Variants in PPIL6 observed in about 807,000 individuals in gnomAD.
The protein encoded by PPIL6 is probable inactive peptidyl-prolyl cis-trans isomerase-like 6.
In PPIL6, 39 loss-of-function variants were observed where a neutral mutation model predicts 36.8. That is an observed-to-expected ratio of 1.06 (90% CI 0.82 to 1.38). The LOEUF is 1.38. Ranked by LOEUF, PPIL6 falls within the 40% of genes most tolerant of loss-of-function variation. The pLI, the probability that PPIL6 is intolerant of heterozygous loss-of-function variation, is 0.00. For missense variants in PPIL6, 368 were observed against 379.1 expected (o/e 0.97, Z 0.24); for synonymous variants, 123 against 134.1 (o/e 0.92, Z 0.57).
intron 6 of PPIL6, among the ~76,000 whole-genome samples, chr6:109,416,440 T>C (rs2115235463): frequency 6.6e-6 from 1 of 151,740 alleles, no homozygotes; most frequent in South Asian, 2.1e-4. Context: ...TGACCTCAGG[T>C]GATCCACCCG....
upstream of PPIL6, chr6:109,441,056 C>T: frequency 6.4e-7 from 1 of 1,551,712 alleles, no homozygotes; most frequent in Non-Finnish European, 8.9e-7. Context: ...CGCCGGCCGC[C>T]CCCGTCCCCA....
At position 109,414,967 on chromosome 6, in the gene PPIL6, A is replaced by G. The variant is rs568627026; in HGVS notation, c.688+4220T>C. 1.2e-4 allele frequency among the ~76,000 whole-genome samples: 18 copies of G among 152,342 alleles called. 1 individual carries two copies. The highest frequency in any genetic ancestry group is 2.2e-4 in the Non-Finnish European group (15 of 68,032). ...AAGCTAGAGAAAATAAAATGTTATA[A>G]AGAAAATCATAAGGAAGAGAAAATA... On this transcript the variant is annotated intron_variant, in intron 6 of 7. Coordinates refer to ENST00000521072, the MANE Select transcript of PPIL6 (RefSeq NM_173672.5).
At chr6:109,428,193 A>AT in intron 3 of PPIL6, among the ~76,000 whole-genome samples, 1 of 152,326 alleles carries the variant, frequency 6.6e-6, no homozygotes, top group Admixed American at 6.5e-5. Context: ...TAGTTTCAAC[A>AT]TAATAGCATT....
At chr6:109,425,139 C>G (rs12200776) in intron 5 of PPIL6, among the ~76,000 whole-genome samples, 7,700 of 152,224 alleles carry the variant, frequency 0.051, 360 homozygotes, top group East Asian at 0.2. Context: ...CTCACCACAT[C>G]CTGTGATATT....
chr6:109,422,714 G>A (rs1188416091), intron 5 of PPIL6, among the ~76,000 whole-genome samples: 1 of 152,142 alleles, frequency 6.6e-6, no homozygotes, highest in Non-Finnish European at 1.5e-5. Context: ...CTAGTAGTTA[G>A]AAAAACACAG....
At chr6:109,438,553 G>T (rs571347937) in intron 1 of PPIL6, among the ~76,000 whole-genome samples, 97 of 152,068 alleles carry the variant, frequency 6.4e-4, no homozygotes, top group African/African-American at 2.2e-3. Context: ...CTACATCAGG[G>T]GTTGGAGAGG....
intron 6 of PPIL6, chr6:109,402,994 C>T (rs1002155796): frequency 4.5e-6 from 6 of 1,347,442 alleles, no homozygotes; most frequent in African/African-American, 2.9e-5. Context: ...TTTGTTCTGC[C>T]GTGTCTCTCT....
At chr6:109,400,261 C>T in intron 6 of PPIL6, 91 bp from the exon 7 acceptor site, 1 of 957,018 alleles carries the variant, frequency 1.0e-6, no homozygotes, top group Non-Finnish European at 1.5e-6. Context: ...CCCTTGGTAA[C>T]ACTCTCAATC....
chr6:109,421,793 C>T (rs1389149428), intron 5 of PPIL6, among the ~76,000 whole-genome samples: 3 of 152,120 alleles, frequency 2.0e-5, no homozygotes, highest in African/African-American at 7.2e-5. Flanking sequence ...AATCCCAGCA[C>T]TTTGGGAGGC....
intron 5 of PPIL6, among the ~76,000 whole-genome samples, chr6:109,426,413 G>A (rs1397849033): frequency 6.6e-6 from 1 of 152,246 alleles, no homozygotes; most frequent in East Asian, 1.9e-4. Context: ...AAATCCTTTA[G>A]ACATTTCTTT....
intron 2 of PPIL6, among the ~76,000 whole-genome samples, chr6:109,433,335 G>A (rs1185121376): frequency 6.6e-6 from 1 of 152,218 alleles, no homozygotes; most frequent in Non-Finnish European, 1.5e-5. Flanking sequence ...GGGATTACAG[G>A]CGTGAGCCAC....
chr6:109,440,798 A>G (rs1774822651), upstream of PPIL6: 1 of 349,890 alleles, frequency 2.9e-6, no homozygotes, highest in Non-Finnish European at 4.9e-6. Context: ...TTGGAGGAAA[A>G]GGAACCGGGA....
At chr6:109,433,894 C>G (rs1201647118) in intron 2 of PPIL6, among the ~76,000 whole-genome samples, 1 of 152,056 alleles carries the variant, frequency 6.6e-6, no homozygotes, top group Non-Finnish European at 1.5e-5. Context: ...CATTCAAGAC[C>G]CATGAGAAAG....
intron 2 of PPIL6, among the ~76,000 whole-genome samples, chr6:109,433,028 T>C (rs375205815): frequency 6.6e-6 from 1 of 152,008 alleles, no homozygotes; most frequent in African/African-American, 2.4e-5. Context: ...AATTTATCAG[T>C]GTTACCATAT....
intron 6 of PPIL6, among the ~76,000 whole-genome samples, chr6:109,400,960 C>T (rs111775008): frequency 1.3e-5 from 2 of 151,488 alleles, no homozygotes; most frequent in African/African-American, 2.4e-5. Flanking sequence ...CCCGGGTTCA[C>T]GCCATTCTCC....
At chr6:109,429,800 C>T (rs1348844156) in intron 3 of PPIL6, among the ~76,000 whole-genome samples, 1 of 152,218 alleles carries the variant, frequency 6.6e-6, no homozygotes, top group Non-Finnish European at 1.5e-5. Flanking sequence ...TTTTCCAAAG[C>T]TGTTGTCCAG....
intron 5 of PPIL6, among the ~76,000 whole-genome samples, chr6:109,425,523 C>A (rs1773766924): frequency 1.3e-5 from 2 of 151,976 alleles, no homozygotes; most frequent in African/African-American, 4.8e-5. Flanking sequence ...CTGAGGCGTG[C>A]GGATCACCTG....
chr6:109,405,295 T>C (rs374573585), intron 6 of PPIL6, among the ~76,000 whole-genome samples: 1 of 152,232 alleles, frequency 6.6e-6, no homozygotes, highest in African/African-American at 2.4e-5. Context: ...TGTTTCCTTA[T>C]AGTTTTAACA....
intron 3 of PPIL6, among the ~76,000 whole-genome samples, chr6:109,428,268 T>C (rs1430050902): frequency 6.6e-6 from 1 of 152,030 alleles, no homozygotes; most frequent in African/African-American, 2.4e-5. Flanking sequence ...TCTCCTACAT[T>C]AAAATGCCAC....
Sources: allele counts gnomAD v4.1 joint callset (sites outside exome capture counted in the v4.1 genomes callset), GRCh38; gene constraint gnomAD v4.1.1; transcripts MANE v1.5; gene names NCBI Gene and HGNC (gene_info 2026-07-23, HGNC 2026-07-21).